PRKG1: variants seen among roughly 807,000 people sequenced by gnomAD.
PRKG1 encodes the protein cGMP-dependent protein kinase 1.
PRKG1 carries 35 observed loss-of-function variants against 88.1 expected under a neutral mutation model. That is an observed-to-expected ratio of 0.40 (90% CI 0.30 to 0.53). PRKG1 has a LOEUF of 0.53. PRKG1 is among the 20% of genes least tolerant of loss of function. The pLI is 0.59. For synonymous variants in PRKG1, 303 were observed against 292.5 expected (o/e 1.04, Z -0.37); for missense variants, 540 against 839.8 (o/e 0.64, Z 4.41).
chr10:51,159,673 T>G (rs1846312169), intron 2 of PRKG1, among the ~76,000 whole-genome samples: 1 of 152,128 alleles, frequency 6.6e-6, no homozygotes, highest in African/African-American at 2.4e-5. Flanking sequence ...GTGTTCATTT[T>G]GGGGTGCCAT....
intron 7 of PRKG1, among the ~76,000 whole-genome samples, chr10:52,065,188 A>G (rs1244706584): frequency 6.6e-6 from 1 of 152,200 alleles, no homozygotes; most frequent in African/African-American, 2.4e-5. Flanking sequence ...TCATTTTCCA[A>G]TAACCAGTAT....
intron 4 of PRKG1, among the ~76,000 whole-genome samples, chr10:51,808,564 C>G (rs1033281593): frequency 3.9e-5 from 6 of 152,118 alleles, no homozygotes; most frequent in Non-Finnish European, 7.4e-5. Context: ...AATCCTGCCA[C>G]TGCCCTCCAG....
At chr10:51,509,261 A>C (rs1457500454) in intron 3 of PRKG1, among the ~76,000 whole-genome samples, 2 of 152,212 alleles carry the variant, frequency 1.3e-5, no homozygotes, top group African/African-American at 4.8e-5. Context: ...TAAGTAACTA[A>C]ATGCTTTAGA....
chr10:51,883,734 G>T (rs553816194), intron 4 of PRKG1, among the ~76,000 whole-genome samples: 6 of 152,248 alleles, frequency 3.9e-5, no homozygotes, highest in African/African-American at 1.4e-4. Flanking sequence ...CTGCTGGCAG[G>T]GCTGTGTGTC....
intron 9 of PRKG1, among the ~76,000 whole-genome samples, chr10:52,233,120 C>T (rs1018084256): frequency 6.7e-6 from 1 of 149,138 alleles, no homozygotes; most frequent in Non-Finnish European, 1.5e-5. Context: ...ACATAGGCCA[C>T]GTGAATTTGG....
chr10:51,929,333 T>A (rs1842640308), intron 5 of PRKG1, among the ~76,000 whole-genome samples: 1 of 149,386 alleles, frequency 6.7e-6, no homozygotes. Flanking sequence ...CTGACCAACA[T>A]CTGAATTCCT....
intron 10 of PRKG1, 59 bp downstream of exon 10, chr10:52,251,725 C>A: frequency 1.5e-6 from 2 of 1,347,188 alleles, no homozygotes; most frequent in Non-Finnish European, 2.1e-6. Context: ...AATTTTTTCC[C>A]CTAGATTAAG....
chr10:52,254,274 C>T (rs1194508), intron 10 of PRKG1, among the ~76,000 whole-genome samples: 34,555 of 151,818 alleles, frequency 0.23, 4,564 homozygotes, highest in Admixed American at 0.28. Flanking sequence ...CTGAGAATGA[C>T]GCATGCAAGA....
At chr10:51,040,412 G>A (rs946872464) in intron 1 of PRKG1, among the ~76,000 whole-genome samples, 3 of 142,834 alleles carry the variant, frequency 2.1e-5, no homozygotes, top group Non-Finnish European at 3.0e-5. Flanking sequence ...TCCGCCTTCC[G>A]GGCTCAAGCA....
intron 5 of PRKG1, among the ~76,000 whole-genome samples, chr10:51,920,292 A>G (rs2132978521): frequency 6.6e-6 from 1 of 152,302 alleles, no homozygotes; most frequent in East Asian, 1.9e-4. Flanking sequence ...CTTTAGAAGG[A>G]TATTTTGAAG....
At chr10:51,123,515 A>G (rs1048283796) in intron 1 of PRKG1, among the ~76,000 whole-genome samples, 1 of 151,924 alleles carries the variant, frequency 6.6e-6, no homozygotes, top group African/African-American at 2.4e-5. Flanking sequence ...GTGAAACACC[A>G]TCTCTACTAA....
At chr10:52,128,480 G>A (rs1219266002) in intron 7 of PRKG1, 1 of 985,292 alleles carries the variant, frequency 1.0e-6, no homozygotes, top group Non-Finnish European at 1.2e-6. Flanking sequence ...TACTGACAGT[G>A]ACGCCACTTT....
chr10:51,217,927 G>T (rs994641373), intron 2 of PRKG1, among the ~76,000 whole-genome samples: 3 of 151,990 alleles, frequency 2.0e-5, no homozygotes, highest in African/African-American at 7.2e-5. Flanking sequence ...CTTTCTTTCA[G>T]TTCCCTCCTT....
At chr10:51,225,379 T>A (rs1267729220) in intron 2 of PRKG1, among the ~76,000 whole-genome samples, 1 of 152,180 alleles carries the variant, frequency 6.6e-6, no homozygotes, top group Non-Finnish European at 1.5e-5. Context: ...TTCCAGCATA[T>A]GCATTTTGAG....
chr10:52,080,539 A>T (rs940256302), intron 7 of PRKG1, among the ~76,000 whole-genome samples: 3 of 152,150 alleles, frequency 2.0e-5, no homozygotes, highest in African/African-American at 7.2e-5. Context: ...AAATGAAGGC[A>T]AGCAAACTGA....
rs7915420 is a variant in PRKG1, at chr10:51,719,756, G to A, written c.593-84829G>A. Among the ~76,000 whole-genome samples the A allele has an allele frequency of 8.2e-3, 1,252 of 152,234 alleles. 20 individuals are homozygous for A. Among genetic ancestry groups the A allele is most frequent in the African/African-American group, 0.028 (1,174 of 41,530 alleles). On this transcript the variant is annotated intron_variant, in intron 3 of 17. Transcript: ENST00000373980. ...GGGAAAGCTGGGGGACAGGAATACA[G>A]GAACTCTCTATAATATCTTTCAGAA...
At chr10:51,883,765 A>G (rs1014239632) in intron 4 of PRKG1, among the ~76,000 whole-genome samples, 1 of 152,220 alleles carries the variant, frequency 6.6e-6, no homozygotes. Flanking sequence ...TGGTTGAGAT[A>G]ATAAATGTAC....
intron 1 of PRKG1, among the ~76,000 whole-genome samples, chr10:51,130,729 C>T (rs894843438): frequency 6.6e-5 from 10 of 151,882 alleles, no homozygotes; most frequent in African/African-American, 9.7e-5. Flanking sequence ...GGTGAAACCC[C>T]GTCTCTACTA....
intron 9 of PRKG1, among the ~76,000 whole-genome samples, chr10:52,180,632 C>A (rs1838993969): frequency 1.3e-5 from 2 of 152,158 alleles, no homozygotes; most frequent in Admixed American, 1.3e-4. Flanking sequence ...CGTGTAGTTT[C>A]TTCAGCTGTA....
Sources: gnomAD v4.1 joint callset for allele counts (sites outside exome capture counted in the v4.1 genomes callset) on GRCh38, gnomAD v4.1.1 for gene constraint, MANE v1.5 for transcripts, NCBI Gene and HGNC (gene_info 2026-07-23, HGNC 2026-07-21) for gene names.